The following TNNI3K variants were observed in gnomAD, a reference collection of about 807,000 sequenced individuals.
The protein encoded by TNNI3K is serine/threonine-protein kinase TNNI3K.
TNNI3K carries 140 observed loss-of-function variants against 114.5 expected under a neutral mutation model. That is an observed-to-expected ratio of 1.22 (90% CI 1.07 to 1.41). TNNI3K has a LOEUF of 1.41. Ranked by LOEUF, TNNI3K falls within the 40% of genes most tolerant of loss-of-function variation. The probability of loss-of-function intolerance (pLI) is 0.00; values close to 1 mark genes in which losing one functional copy is unlikely to be tolerated. For missense variants in TNNI3K, 1,125 were observed against 1,007.6 expected (o/e 1.12, Z -1.58); for synonymous variants, 347 against 347.5 (o/e 1.00, Z 0.02).
At chr1:74,338,294 A>G (rs1200679116) in intron 7 of TNNI3K, among the ~76,000 whole-genome samples, 1 of 152,044 alleles carries the variant, frequency 6.6e-6, no homozygotes, top group African/African-American at 2.4e-5. Context: ...AAGCTTTAGA[A>G]TACATAGAAG....
chr1:74,431,303 A>G (rs1180160661), intron 17 of TNNI3K, among the ~76,000 whole-genome samples: 2 of 152,030 alleles, frequency 1.3e-5, no homozygotes, highest in Non-Finnish European at 2.9e-5. Context: ...CCTGTTCCTC[A>G]TATTTCTTAA....
At chr1:74,299,533 G>A (rs534757233) in intron 5 of TNNI3K, among the ~76,000 whole-genome samples, 5 of 151,958 alleles carry the variant, frequency 3.3e-5, no homozygotes, top group Admixed American at 6.6e-5. Context: ...TGTATTGAGC[G>A]TTTTCAGTAT....
intron 23 of TNNI3K, among the ~76,000 whole-genome samples, chr1:74,521,852 T>A (rs1327875425): frequency 6.6e-6 from 1 of 152,192 alleles, no homozygotes; most frequent in East Asian, 1.9e-4. Context: ...TAAGTCAGAA[T>A]TTCTTTAAAG....
At chr1:74,539,482 G>A (rs1294098024) in intron 23 of TNNI3K, among the ~76,000 whole-genome samples, 1 of 152,104 alleles carries the variant, frequency 6.6e-6, no homozygotes, top group Non-Finnish European at 1.5e-5. Context: ...ATAAATTCAG[G>A]TTTTGAGTCA....
intron 21 of TNNI3K, among the ~76,000 whole-genome samples, chr1:74,482,170 T>G (rs192906766): frequency 1.3e-5 from 2 of 152,280 alleles, no homozygotes; most frequent in Admixed American, 1.3e-4. Flanking sequence ...CCCCAGTCCT[T>G]TAGGGATTTA....
chr1:74,465,512 A>T (rs552371956), intron 21 of TNNI3K, among the ~76,000 whole-genome samples: 1 of 152,218 alleles, frequency 6.6e-6, no homozygotes, highest in South Asian at 2.1e-4. Context: ...AGGGCTTGGG[A>T]CTTGCAGCCC....
intron 21 of TNNI3K, among the ~76,000 whole-genome samples, chr1:74,484,330 A>G: frequency 6.6e-6 from 1 of 152,184 alleles, no homozygotes; most frequent in East Asian, 1.9e-4. Flanking sequence ...TCATTTGTTC[A>G]ACAAGCATTT....
At chr1:74,511,266 C>T (rs1389661140) in intron 23 of TNNI3K, among the ~76,000 whole-genome samples, 2 of 151,682 alleles carry the variant, frequency 1.3e-5, no homozygotes, top group African/African-American at 4.8e-5. Context: ...GATCTCGGCT[C>T]ACCACAACCT....
rs60688934 is a variant in TNNI3K at position 74,543,064 on chromosome 1, C to CTTTTTTTTTTTT, written c.2432-824_2432-813dup. ...CTTTTCCTTTTCTTTTTCTTTTTCC[C>CTTTTTTTTTTTT]TTTTTTTTTTTTTTTTTTTTTTTTT... is the stretch of plus-strand genomic sequence containing the variant. On this transcript the variant is annotated intron_variant, in intron 24 of 24. Coordinates refer to ENST00000326637, the MANE Select transcript of TNNI3K (RefSeq NM_015978.3). Among the ~76,000 whole-genome samples the CTTTTTTTTTTTT allele has an allele frequency of 1.3e-3, 9 of 6,750 alleles. 3 individuals carry two copies. The highest frequency in any genetic ancestry group is 1.4e-3 in the Non-Finnish European group (4 of 2,796). The allele number at this position is 6,750 out of a possible 152,430, so 4.4% of individuals were successfully genotyped here.
chr1:74,425,939 T>C (rs1665618018), intron 17 of TNNI3K, among the ~76,000 whole-genome samples: 1 of 152,000 alleles, frequency 6.6e-6, no homozygotes, highest in Non-Finnish European at 1.5e-5. Context: ...ATAGACTGTC[T>C]GGTGTCTTGA....
chr1:74,381,905 G>A (rs775403644), intron 17 of TNNI3K, among the ~76,000 whole-genome samples: 3 of 152,182 alleles, frequency 2.0e-5, no homozygotes, highest in Non-Finnish European at 4.4e-5. Flanking sequence ...TGGCAGAGAA[G>A]GGGAAGTATC....
At chr1:74,399,177 A>C (rs1423295669) in intron 17 of TNNI3K, among the ~76,000 whole-genome samples, 1 of 151,044 alleles carries the variant, frequency 6.6e-6, no homozygotes, top group Non-Finnish European at 1.5e-5. Flanking sequence ...AAAAAAAAAA[A>C]AACACCCAAA....
At position 74,436,388 on chromosome 1, in the gene TNNI3K, C is replaced by A. The variant is rs1017786028; in HGVS notation, c.1826-86C>A. 6 of 1,425,870 alleles carry A rather than the reference C, an allele frequency of 4.2e-6. No individual in the cohort carries two copies. In the East Asian group the frequency reaches 9.8e-5, roughly 23 times the overall value. The allele number at this position is 1,425,870 out of a possible 1,614,324, so 88.3% of individuals were successfully genotyped here. On this transcript the variant is annotated intron_variant, in intron 18 of 24. Coordinates refer to ENST00000326637, the MANE Select transcript of TNNI3K (RefSeq NM_015978.3). ...GAGAATTTGAATAAGACAGAAGTCT[C>A]TTGAGGTTTCAAAATTTTAACTGTG...
At chr1:74,393,123 C>T (rs1324168616) in intron 17 of TNNI3K, among the ~76,000 whole-genome samples, 4 of 152,134 alleles carry the variant, frequency 2.6e-5, no homozygotes, top group South Asian at 2.1e-4. Flanking sequence ...TGAAAGGCAG[C>T]GGGCACTGGC....
chr1:74,242,123 A>G lies in TNNI3K; in HGVS notation c.149+5913A>G, dbSNP rs1043036213. 2.6e-5 allele frequency among the ~76,000 whole-genome samples: 4 copies of G among 152,182 alleles called. No homozygotes were observed. The East Asian group carries it at 7.7e-4, about 29-fold the overall frequency. ...CTTGGCCTCCCAAAGTGCTGGGATT[A>G]CAAGCATGAGCCACCGCGCCTGACC... On this transcript the variant is annotated intron_variant, in intron 2 of 24. Coordinates refer to ENST00000326637, the MANE Select transcript of TNNI3K (RefSeq NM_015978.3).
intron 2 of TNNI3K, among the ~76,000 whole-genome samples, chr1:74,242,149 C>T (rs1654275754): frequency 6.6e-6 from 1 of 151,990 alleles, no homozygotes; most frequent in Non-Finnish European, 1.5e-5. Flanking sequence ...GCGCCTGACC[C>T]AGAAAAGTTG....
At chr1:74,397,473 C>T (rs1392757226) in intron 17 of TNNI3K, among the ~76,000 whole-genome samples, 1 of 152,064 alleles carries the variant, frequency 6.6e-6, no homozygotes, top group African/African-American at 2.4e-5. Context: ...TACGTTAGGT[C>T]AGGAATATAT....
intron 5 of TNNI3K, among the ~76,000 whole-genome samples, chr1:74,313,223 CCTCCT>C (rs1659099036): frequency 6.6e-6 from 1 of 152,114 alleles, no homozygotes; most frequent in African/African-American, 2.4e-5. Flanking sequence ...TCATCCAGTC[CCTCCT>C]CTTTGCTCCA....
Position 74,516,557 on chromosome 1 carries a change from G to A in TNNI3K, c.2352-23677G>A, listed in dbSNP as rs576259516. Among the ~76,000 whole-genome samples the A allele has an allele frequency of 6.6e-5, 10 of 152,270 alleles. 1 individual carries two copies. The highest frequency in any genetic ancestry group is 2.4e-4 in the African/African-American group (10 of 41,550). On this transcript the variant is annotated intron_variant, in intron 23 of 24. Coordinates refer to ENST00000326637, the MANE Select transcript of TNNI3K (RefSeq NM_015978.3). ...TGCCTATATGAGGCAGGGAGCAATA[G>A]AGGATGAGGCTGGAGAAATAGACCC...
Sources: gnomAD v4.1 joint callset for allele counts (sites outside exome capture counted in the v4.1 genomes callset) on GRCh38, gnomAD v4.1.1 for gene constraint, MANE v1.5 for transcripts, NCBI Gene and HGNC (gene_info 2026-07-23, HGNC 2026-07-21) for gene names.